The following MBD5 variants were observed in gnomAD, a reference collection of about 807,000 sequenced individuals.
The protein encoded by MBD5 is methyl-CpG-binding domain protein 5.
A neutral mutation model predicts 117.3 loss-of-function variants in MBD5; 13 were observed. The observed-to-expected ratio is 0.11, with a 90% CI of 0.07 to 0.18. The LOEUF is 0.18. Ranked by LOEUF, MBD5 falls within the 10% of genes least tolerant of loss-of-function variation. The pLI is 1.00. For missense variants in MBD5, 1,879 were observed against 2,093.8 expected (o/e 0.90, Z 2.00); for synonymous variants, 727 against 766.4 (o/e 0.95, Z 0.85).
chr2:148,098,569 A>G (rs561925320), intron 1 of MBD5, among the ~76,000 whole-genome samples: 14 of 152,246 alleles, frequency 9.2e-5, no homozygotes, highest in African/African-American at 3.1e-4. Flanking sequence ...GGAAGAGGTT[A>G]TTAACTTTCA....
At chr2:148,476,639 C>A (rs2105700730) in intron 8 of MBD5, among the ~76,000 whole-genome samples, 1 of 152,260 alleles carries the variant, frequency 6.6e-6, no homozygotes, top group South Asian at 2.1e-4. Flanking sequence ...TTGGGGCATA[C>A]TAAATTGATG....
chr2:148,373,309 G>A (rs972259765), intron 4 of MBD5, among the ~76,000 whole-genome samples: 4 of 152,026 alleles, frequency 2.6e-5, no homozygotes, highest in Admixed American at 6.6e-5. Flanking sequence ...AATTCTGGAT[G>A]TAATACTCTT....
At chr2:148,345,478 CATAT>C (rs1559033192) in intron 4 of MBD5, among the ~76,000 whole-genome samples, 2 of 80,864 alleles carry the variant, frequency 2.5e-5, no homozygotes, top group Non-Finnish European at 5.4e-5. Flanking sequence ...TATACACATA[CATAT>C]ACATATGTAT....
At chr2:148,410,518 C>T (rs1705218209) in intron 4 of MBD5, among the ~76,000 whole-genome samples, 2 of 152,148 alleles carry the variant, frequency 1.3e-5, no homozygotes, top group African/African-American at 4.8e-5. Context: ...CAGCCTTGAC[C>T]ACTCTGGCTC....
chr2:148,116,774 A>T (rs1227271712), intron 1 of MBD5, among the ~76,000 whole-genome samples: 1 of 152,174 alleles, frequency 6.6e-6, no homozygotes, highest in Non-Finnish European at 1.5e-5. Context: ...TTCTCTTCTT[A>T]GCTGCTGATT....
At chr2:148,123,635 G>C (rs1696820478) in intron 1 of MBD5, among the ~76,000 whole-genome samples, 3 of 152,178 alleles carry the variant, frequency 2.0e-5, no homozygotes, top group Admixed American at 2.0e-4. Flanking sequence ...ATGTTCACCA[G>C]ACAACTGGAA....
At chr2:148,418,021 G>A (rs912699685) in intron 4 of MBD5, among the ~76,000 whole-genome samples, 7 of 151,936 alleles carry the variant, frequency 4.6e-5, no homozygotes, top group Non-Finnish European at 1.0e-4. Context: ...TTTATTTTCT[G>A]TGAAGACGGG....
intron 4 of MBD5, among the ~76,000 whole-genome samples, chr2:148,367,335 A>C (rs1007195280): frequency 6.6e-6 from 1 of 152,216 alleles, no homozygotes; most frequent in African/African-American, 2.4e-5. Context: ...CTCAAGATGG[A>C]TTAAAGACTT....
At chr2:148,438,509 C>A (rs778982588) in intron 4 of MBD5, among the ~76,000 whole-genome samples, 6 of 152,164 alleles carry the variant, frequency 3.9e-5, no homozygotes, top group Non-Finnish European at 5.9e-5. Context: ...AGATCTCTTC[C>A]ACAGTGTTGT....
chr2:148,381,529 A>G (rs945970956), intron 4 of MBD5, among the ~76,000 whole-genome samples: 20 of 152,224 alleles, frequency 1.3e-4, no homozygotes, highest in Admixed American at 2.6e-4. Context: ...GTTGGAAAAC[A>G]CTCTGCAGGA....
chr2:148,472,343 G>T (rs1559089280), intron 8 of MBD5: 1 of 152,026 alleles, frequency 6.6e-6, no homozygotes, highest in Non-Finnish European at 1.5e-5. Context: ...GTCTAGAAAT[G>T]ATATGAATAT....
intron 1 of MBD5, among the ~76,000 whole-genome samples, chr2:148,022,326 A>G (rs1693773531): frequency 6.6e-6 from 1 of 151,590 alleles, no homozygotes; most frequent in Non-Finnish European, 1.5e-5. Flanking sequence ...TTAGGTTTTG[A>G]CTTGCATTAT....
At chr2:148,408,541 A>G (rs974548675) in intron 4 of MBD5, among the ~76,000 whole-genome samples, 4 of 152,216 alleles carry the variant, frequency 2.6e-5, no homozygotes, top group African/African-American at 9.6e-5. Flanking sequence ...CATTTACATA[A>G]TAAATATAAA....
intron 2 of MBD5, among the ~76,000 whole-genome samples, chr2:148,212,119 T>C (rs1239166678): frequency 6.6e-6 from 1 of 152,218 alleles, no homozygotes; most frequent in African/African-American, 2.4e-5. Flanking sequence ...TTGAAAATTT[T>C]AAATTGTACA....
At chr2:148,376,735 ATAT>A (rs1207437142) in intron 4 of MBD5, among the ~76,000 whole-genome samples, 20 of 139,446 alleles carry the variant, frequency 1.4e-4, no homozygotes, top group Non-Finnish European at 3.1e-4. Flanking sequence ...ATATATAATT[ATAT>A]TATATATTAT....
At chr2:148,173,582 G>A (rs1262390434) in intron 1 of MBD5, among the ~76,000 whole-genome samples, 2 of 152,192 alleles carry the variant, frequency 1.3e-5, no homozygotes, top group Non-Finnish European at 2.9e-5. Flanking sequence ...ACTAGCCACA[G>A]AGGTTTCTGG....
At chr2:148,509,953 T>C in intron 12 of MBD5, 107 bp from the exon 13 acceptor site, 1 of 817,164 alleles carries the variant, frequency 1.2e-6, no homozygotes, top group Admixed American at 2.0e-5. Flanking sequence ...CGAGTATAAA[T>C]TGGCTTTCTC....
chr2:148,049,503 G>A (rs1323211106), intron 1 of MBD5, among the ~76,000 whole-genome samples: 1 of 152,152 alleles, frequency 6.6e-6, no homozygotes, highest in South Asian at 2.1e-4. Context: ...TAGTACTGTA[G>A]TACTTGCTTT....
At chr2:148,177,247 TG>T (rs1698413907) in intron 1 of MBD5, among the ~76,000 whole-genome samples, 1 of 152,228 alleles carries the variant, frequency 6.6e-6, no homozygotes. Context: ...AGTGTTCATA[TG>T]TGTGCTTTAG....
Sources: gnomAD v4.1 joint callset for allele counts (sites outside exome capture counted in the v4.1 genomes callset) on GRCh38, gnomAD v4.1.1 for gene constraint, MANE v1.5 for transcripts, NCBI Gene and HGNC (gene_info 2026-07-23, HGNC 2026-07-21) for gene names.